The following ACTR3C variants were observed in gnomAD, a reference collection of about 807,000 sequenced individuals.
The protein encoded by ACTR3C is actin related protein 3C, also known as actin-related protein 3C.
A neutral mutation model predicts 26.3 loss-of-function variants in ACTR3C; 18 were observed. That is an observed-to-expected ratio of 0.68 (90% CI 0.47 to 1.01). The LOEUF (loss-of-function observed/expected upper bound fraction) is 1.01, where lower values mean the gene tolerates loss of function less well. ACTR3C is among the 50% of genes least tolerant of loss of function. The probability of loss-of-function intolerance (pLI) is 0.00; values close to 1 mark genes in which losing one functional copy is unlikely to be tolerated. For synonymous variants in ACTR3C, 55 were observed against 94.5 expected, an observed-to-expected ratio of 0.58 and a Z score of 2.42; for missense variants, 184 against 250.7, an observed-to-expected ratio of 0.73 and a Z score of 1.80.
At chr7:150,252,230 T>A (rs940994047) in intron 6 of ACTR3C, among the ~76,000 whole-genome samples, 24 of 152,132 alleles carry the variant, frequency 1.6e-4, no homozygotes, top group African/African-American at 5.5e-4. Flanking sequence ...AATCAACATG[T>A]ATTTCTGAAG....
At chr7:149,955,256 CA>C in the ACTR3C span, among the ~76,000 whole-genome samples, 2 of 152,230 alleles carry the variant, frequency 1.3e-5, no homozygotes, top group Non-Finnish European at 2.9e-5. Flanking sequence ...TCCCTTCTAA[CA>C]GAAGCAGAAG....
At chr7:150,150,377 G>C in the ACTR3C span, among the ~76,000 whole-genome samples, 21 of 152,324 alleles carry the variant, frequency 1.4e-4, no homozygotes, top group Admixed American at 3.9e-4. Flanking sequence ...TATGTTCTCA[G>C]CTCTACAGAT....
chr7:150,158,966 C>T, the ACTR3C span, among the ~76,000 whole-genome samples: 5 of 150,304 alleles, frequency 3.3e-5, no homozygotes, highest in Non-Finnish European at 7.4e-5. Context: ...TACACACGTG[C>T]GCACACACAG....
chr7:150,109,425 TTTGATTCCCCAA>T, the ACTR3C span, among the ~76,000 whole-genome samples: 1 of 151,916 alleles, frequency 6.6e-6, no homozygotes. Flanking sequence ...TTTTTAAATA[TTTGATTCCCCAA>T]TGAGAGAGGC....
the ACTR3C span, among the ~76,000 whole-genome samples, chr7:150,133,561 G>GACCCC: frequency 2.0e-5 from 3 of 152,020 alleles, no homozygotes; most frequent in African/African-American, 7.2e-5. Context: ...CCTGGAATAT[G>GACCCC]ACCCCAACTG....
At chr7:150,044,614 C>T in the ACTR3C span, 1 of 152,218 alleles carries the variant, frequency 6.6e-6, no homozygotes, top group Non-Finnish European at 1.5e-5. Flanking sequence ...CATTTTATTT[C>T]TCTGTGTTAG....
the ACTR3C span, among the ~76,000 whole-genome samples, chr7:150,012,341 G>A: frequency 1.1e-5 from 1 of 88,808 alleles, no homozygotes; most frequent in Non-Finnish European, 2.3e-5. Flanking sequence ...TTGAGACGGA[G>A]TCTCGCTCTG....
At chr7:150,170,759 C>A in the ACTR3C span, among the ~76,000 whole-genome samples, 1 of 150,336 alleles carries the variant, frequency 6.7e-6, no homozygotes, top group African/African-American at 2.5e-5. Context: ...AAACACCAGG[C>A]TTTGATTTGG....
chr7:150,086,882 T>C, the ACTR3C span, among the ~76,000 whole-genome samples: 3 of 151,834 alleles, frequency 2.0e-5, no homozygotes, highest in African/African-American at 2.4e-5. Flanking sequence ...CCTAAACAAA[T>C]AGAAGCATGA....
chr7:150,085,283 T>C, the ACTR3C span, among the ~76,000 whole-genome samples: 1 of 152,100 alleles, frequency 6.6e-6, no homozygotes, highest in Admixed American at 6.6e-5. Context: ...GACTAGGGCA[T>C]TGAGAAGCTC....
chr7:150,133,150 A>C, the ACTR3C span, among the ~76,000 whole-genome samples: 4,343 of 152,226 alleles, frequency 0.029, 188 homozygotes, highest in African/African-American at 0.099. Flanking sequence ...TATCACAGGC[A>C]GCTCTCATGC....
At chr7:150,264,826 G>A in intron 6 of ACTR3C, 1 of 981,142 alleles carries the variant, frequency 1.0e-6, no homozygotes, top group Non-Finnish European at 1.2e-6. Context: ...TGGCCTAGAA[G>A]TAGATAATCT....
At chr7:150,184,700 T>C in the ACTR3C span, among the ~76,000 whole-genome samples, 2 of 150,460 alleles carry the variant, frequency 1.3e-5, no homozygotes, top group Admixed American at 1.3e-4. Flanking sequence ...TAGAACTATT[T>C]TGTTGAAAAT....
chr7:150,141,478 C>A, the ACTR3C span, among the ~76,000 whole-genome samples: 1 of 151,350 alleles, frequency 6.6e-6, no homozygotes, highest in Non-Finnish European at 1.5e-5. Flanking sequence ...CAGAAAAATT[C>A]TGTGGTGCTG....
At chr7:150,113,977 T>C in the ACTR3C span, among the ~76,000 whole-genome samples, 14 of 152,240 alleles carry the variant, frequency 9.2e-5, no homozygotes, top group Non-Finnish European at 1.5e-4. Flanking sequence ...GATAAAGAGA[T>C]GGAGAAGACA....
chr7:150,287,303 T>A (rs1835862416), intron 4 of ACTR3C, among the ~76,000 whole-genome samples: 1 of 152,040 alleles, frequency 6.6e-6, no homozygotes, highest in Non-Finnish European at 1.5e-5. Flanking sequence ...TATAAAGTGA[T>A]AGGTCCCGGG....
At chr7:150,323,212 G>C (rs1311803441) in intron 1 of ACTR3C, 2 of 236,196 alleles carry the variant, frequency 8.5e-6, no homozygotes, top group African/African-American at 4.8e-5. Context: ...AGGCACCGCA[G>C]GTAGGAGGAA....
chr7:150,227,852 C>T, the ACTR3C span, among the ~76,000 whole-genome samples: 3 of 151,516 alleles, frequency 2.0e-5, no homozygotes, highest in African/African-American at 7.3e-5. Context: ...TTTCATTGAC[C>T]TATCTACCTA....
the ACTR3C span, among the ~76,000 whole-genome samples, chr7:149,939,548 T>C: frequency 0.92 from 139,270 of 151,868 alleles, 64,518 homozygotes; most frequent in Non-Finnish European, 0.99. Context: ...CAGGGAGTTC[T>C]TCCTCTGAAG....
Sources: gnomAD v4.1 joint callset for allele counts (sites outside exome capture counted in the v4.1 genomes callset) on GRCh38, gnomAD v4.1.1 for gene constraint, MANE v1.5 for transcripts, NCBI Gene and HGNC (gene_info 2026-07-23, HGNC 2026-07-21) for gene names.